The following MBP variants were observed in gnomAD, a reference collection of about 807,000 sequenced individuals.
MBP encodes the protein Golli-MBP.
Under a neutral mutation model 35.8 loss-of-function variants are expected in MBP, and 16 were observed. The observed-to-expected ratio is 0.45, with a 90% CI of 0.30 to 0.68. The LOEUF is 0.68. MBP is among the 30% of genes least tolerant of loss of function. The pLI is 0.08. For missense variants in MBP, 380 were observed against 404.7 expected, an observed-to-expected ratio of 0.94 and a Z score of 0.52; for synonymous variants, 143 against 159.6, an observed-to-expected ratio of 0.90 and a Z score of 0.78.
chr18:77,069,682 GCCACTTCCCTGTAT>G (rs1048489446), intron 2 of MBP, among the ~76,000 whole-genome samples: 1 of 152,210 alleles, frequency 6.6e-6, no homozygotes, highest in African/African-American at 2.4e-5. Context: ...CCTAGCGGCA[GCCACTTCCCTGTAT>G]CCACTTCCCA....
At chr18:77,016,447 C>G in intron 4 of MBP, 1 of 1,058,292 alleles carries the variant, frequency 9.4e-7, no homozygotes, top group Non-Finnish European at 1.1e-6. Flanking sequence ...CAGTGTTGAA[C>G]CCCAGCGTGT....
Position 77,051,005 on chromosome 18 carries a change from A to G in MBP, c.139+15293T>C, listed in dbSNP as rs117859923. 9.2e-3 allele frequency among the ~76,000 whole-genome samples: 1,394 copies of G among 152,184 alleles called. 16 individuals carry two copies. The highest frequency in any genetic ancestry group is 0.015 in the Non-Finnish European group (1,008 of 68,022). ...TTGGTGTTTTTGGTTATTAATGAAG[A>G]CCCCAGGAAAAAGAAATGGAACATG... On this transcript the variant is annotated intron_variant, in intron 3 of 8. Transcript: ENST00000355994.
intron 1 of MBP, among the ~76,000 whole-genome samples, chr18:77,120,348 CAG>C (rs1310412173): frequency 6.6e-6 from 1 of 152,194 alleles, no homozygotes; most frequent in African/African-American, 2.4e-5. Flanking sequence ...TGGGAGGCTG[CAG>C]AGGGGCAGCT....
Position 77,123,593 on chromosome 18 carries a change from G to T in MBP, c.-26+8987C>A, listed in dbSNP as rs183980357. The stretch of plus-strand genomic sequence containing the variant: ...GAGCTCATTAAAATACATATTCCTG[G>T]GCCCGACCCCAAGACTGTGGGGTGG... On this transcript the variant is annotated intron_variant, in intron 1 of 8. Coordinates refer to ENST00000355994, the MANE Select transcript of MBP (RefSeq NM_001025101.2). Among the ~76,000 whole-genome samples, 7 of 152,236 alleles carry T rather than the reference G, an allele frequency of 4.6e-5. No individual in the cohort carries two copies. In the East Asian group the frequency reaches 1.4e-3, roughly 29 times the overall value.
At chr18:77,027,420 C>T (rs1972265446) in intron 3 of MBP, among the ~76,000 whole-genome samples, 1 of 152,248 alleles carries the variant, frequency 6.6e-6, no homozygotes, top group South Asian at 2.1e-4. Flanking sequence ...GCAGAGGCTG[C>T]AACGTCTAGC....
chr18:77,025,777 T>C (rs189529859), intron 3 of MBP, among the ~76,000 whole-genome samples: 1 of 137,788 alleles, frequency 7.3e-6, no homozygotes, highest in Non-Finnish European at 1.5e-5. Context: ...GGAAATCACA[T>C]CGCACAAGTA....
chr18:76,991,391 GGGGAACACA>G (rs1243088807), intron 4 of MBP, among the ~76,000 whole-genome samples: 1 of 152,166 alleles, frequency 6.6e-6, no homozygotes, highest in Non-Finnish European at 1.5e-5. Flanking sequence ...CCCGGGGGCA[GGGGAACACA>G]GGGGACATGG....
chr18:76,988,410 C>T lies in MBP; in HGVS notation c.750+85G>A. The T allele has an allele frequency of 6.2e-7, 1 of 1,614,054 alleles. No homozygotes were observed. On this transcript the variant is annotated intron_variant, in intron 7 of 8. Transcript: ENST00000355994. The surrounding 1 kb of genome is among the most constrained non-coding windows in gnomAD (Gnocchi z 5.2). ...GAGAGAAAAGGAGGCCAGGAAGCAA[C>T]CGAAACAGAGCAGAACACAAAAGTT...
chr18:77,104,712 C>T (rs1021541017), intron 2 of MBP, among the ~76,000 whole-genome samples: 1 of 151,708 alleles, frequency 6.6e-6, no homozygotes, highest in Non-Finnish European at 1.5e-5. Context: ...TTTGGAAATA[C>T]CTTTTTCTAA....
Position 77,095,933 on chromosome 18 carries a change from T to C in MBP, c.51+9278A>G, listed in dbSNP as rs142031061. Among the ~76,000 whole-genome samples the C allele has an allele frequency of 6.3e-3, 960 of 152,318 alleles. 9 individuals carry two copies. The highest frequency in any genetic ancestry group is 0.022 in the African/African-American group (924 of 41,564). ...AAAGTTTACGCTCACTGGACTTAAT[T>C]TTACTGCAGAGAGAGATGATTGCAT... is the stretch of plus-strand genomic sequence containing the variant. On this transcript the variant is annotated intron_variant, in intron 2 of 8. Transcript: ENST00000355994.
intron 7 of MBP, chr18:76,986,437 C>T: frequency 1.0e-6 from 1 of 985,518 alleles, no homozygotes; most frequent in Non-Finnish European, 1.2e-6. Flanking sequence ...CACCTGGCTG[C>T]ACCCTCAGCC....
intron 2 of MBP, among the ~76,000 whole-genome samples, chr18:77,078,920 C>T (rs553046221): frequency 6.6e-6 from 1 of 152,350 alleles, no homozygotes; most frequent in African/African-American, 2.4e-5. Flanking sequence ...CCTGGCTGTG[C>T]CCTGGGCACT....
At chr18:77,067,860 A>C in intron 2 of MBP, 1 of 511,278 alleles carries the variant, frequency 2.0e-6, no homozygotes, top group Non-Finnish European at 3.9e-6. Flanking sequence ...AGCCATTAAG[A>C]CCACCCTGAA....
chr18:77,049,067 C>T (rs1973374330), intron 3 of MBP, among the ~76,000 whole-genome samples: 1 of 152,076 alleles, frequency 6.6e-6, no homozygotes, highest in Non-Finnish European at 1.5e-5. Flanking sequence ...CTACAGGCAC[C>T]TGCCACCACG....
intron 7 of MBP, chr18:76,985,304 G>A: frequency 7.7e-7 from 1 of 1,300,214 alleles, no homozygotes; most frequent in Non-Finnish European, 1.0e-6. Flanking sequence ...GGACCCTGGG[G>A]GGCTGTGCGC....
intron 2 of MBP, among the ~76,000 whole-genome samples, chr18:77,093,773 A>ACTGCTGGACACCCCGCCCAG (rs2145047666): frequency 6.6e-6 from 1 of 152,302 alleles, no homozygotes; most frequent in African/African-American, 2.4e-5. Context: ...GGGCGCTGCA[A>ACTGCTGGACACCCCGCCCAG]CTGCTGGACA....
intron 2 of MBP, among the ~76,000 whole-genome samples, chr18:77,089,059 G>A (rs1463313667): frequency 1.3e-5 from 2 of 152,336 alleles, no homozygotes; most frequent in South Asian, 2.1e-4. Flanking sequence ...GACAGCTGGC[G>A]GAATTATTCA....
chr18:77,060,736 C>T (rs750391810), intron 3 of MBP, among the ~76,000 whole-genome samples: 1 of 152,174 alleles, frequency 6.6e-6, no homozygotes, highest in Non-Finnish European at 1.5e-5. Context: ...TAGGCATGAG[C>T]CATCATACCC....
chr18:77,003,313 A>G (rs470903), intron 4 of MBP: 123,598 of 152,178 alleles, frequency 0.81, 50,346 homozygotes, highest in Middle Eastern at 0.84. Context: ...CAGGTTGCAC[A>G]TGGCGGGTTT....
Sources: gnomAD v4.1 joint callset for allele counts (sites outside exome capture counted in the v4.1 genomes callset) on GRCh38, gnomAD v4.1.1 for gene constraint, Gnocchi (gnomAD v3.1) non-coding constraint, MANE v1.5 for transcripts, NCBI Gene and HGNC (gene_info 2026-07-23, HGNC 2026-07-21) for gene names.